TRIM16: variants seen among roughly 807,000 people sequenced by gnomAD.
The protein encoded by TRIM16 is tripartite motif-containing protein 16.
TRIM16 carries 33 observed loss-of-function variants against 50.4 expected under a neutral mutation model. The observed-to-expected ratio is 0.65, with a 90% confidence interval of 0.50 to 0.88. The LOEUF is 0.88. TRIM16 is among the 40% of genes least tolerant of loss of function. TRIM16 has a pLI of 0.00. For synonymous variants in TRIM16, 229 were observed against 270.7 expected, an observed-to-expected ratio of 0.85 and a Z score of 1.51; for missense variants, 581 against 686.8, an observed-to-expected ratio of 0.85 and a Z score of 1.72.
intron 6 of TRIM16, among the ~76,000 whole-genome samples, chr17:15,659,491 C>T (rs1988124361): frequency 1.3e-5 from 2 of 152,102 alleles, no homozygotes; most frequent in Admixed American, 1.3e-4. Flanking sequence ...GACACAAGGG[C>T]GTGACATTTT....
intron 6 of TRIM16, among the ~76,000 whole-genome samples, chr17:15,660,675 G>A (rs1988185220): frequency 6.6e-6 from 1 of 152,016 alleles, no homozygotes; most frequent in Non-Finnish European, 1.5e-5. Flanking sequence ...GAGGTGGGTG[G>A]ATCACGAGGT....
chr17:15,629,819 C>T lies in TRIM16; in HGVS notation c.1112-621G>A, dbSNP rs534732451. Among the ~76,000 whole-genome samples the T allele has an allele frequency of 4.4e-3, 665 of 152,304 alleles. 1 individual carries two copies. The highest frequency in any genetic ancestry group is 0.015 in the African/African-American group (637 of 41,566). On this transcript the variant is annotated intron_variant, in intron 11 of 11. Transcript: ENST00000649191. ...CACACACAGGAAGCAGTAACTCCTA[C>T]GGATTCTACCACTTCTCTCCAGCCC...
chr17:15,683,805 T>A (rs746256540), intron 1 of TRIM16: 1 of 152,346 alleles, frequency 6.6e-6, no homozygotes, highest in Non-Finnish European at 1.5e-5. Flanking sequence ...ATCCATCCCC[T>A]CCTACGTTCA....
At chr17:15,664,375 G>A (rs2150930505) in intron 6 of TRIM16, among the ~76,000 whole-genome samples, 1 of 152,276 alleles carries the variant, frequency 6.6e-6, no homozygotes, top group East Asian at 1.9e-4. Context: ...CAGAAGACGG[G>A]GACAGTAAAT....
At chr17:15,638,773 CAGAA>C (rs1382766075) in intron 8 of TRIM16, among the ~76,000 whole-genome samples, 1 of 147,392 alleles carries the variant, frequency 6.8e-6, no homozygotes, top group Non-Finnish European at 1.5e-5. Flanking sequence ...GGAAAGGACT[CAGAA>C]AGGATGGGAT....
chr17:15,650,263 C>T (rs986964212), intron 7 of TRIM16, among the ~76,000 whole-genome samples: 4 of 152,164 alleles, frequency 2.6e-5, no homozygotes, highest in Non-Finnish European at 5.9e-5. Flanking sequence ...GTGGGGCAAA[C>T]GTCAACTACA....
At chr17:15,632,897 T>A in intron 9 of TRIM16, 2 of 515,534 alleles carry the variant, frequency 3.9e-6, no homozygotes, top group Non-Finnish European at 6.3e-6. Context: ...AAAAAACAAG[T>A]GAGAACATGG....
At chr17:15,664,535 T>A (rs1988389690) in intron 6 of TRIM16, among the ~76,000 whole-genome samples, 1 of 151,940 alleles carries the variant, frequency 6.6e-6, no homozygotes, top group South Asian at 2.1e-4. Context: ...ACTGATGTGA[T>A]CCAGACAGAG....
chr17:15,649,575 C>T (rs181997089), intron 7 of TRIM16, among the ~76,000 whole-genome samples: 3 of 152,298 alleles, frequency 2.0e-5, no homozygotes, highest in East Asian at 1.9e-4. Flanking sequence ...TGTCAGTCAC[C>T]GTGCCCGGCT....
At chr17:15,679,096 C>G (rs2530102) in intron 4 of TRIM16, among the ~76,000 whole-genome samples, 4 of 152,104 alleles carry the variant, frequency 2.6e-5, no homozygotes, top group Non-Finnish European at 5.9e-5. Context: ...CCAGGCTGGT[C>G]ACAGACTCCT....
chr17:15,628,660 C>T lies in TRIM16; in HGVS notation c.1650G>A (p.Glu550=). Residue 550 remains glutamate, a synonymous_variant, in exon 12 of 12, where the codon GAG becomes GAA. Transcript: ENST00000649191. The stretch of plus-strand genomic sequence containing the variant: ...AGGACGGTGCTGGCTTCTCGGGTTC[C>T]TCTCCCAGATCTACAATCCGGATGG... ...ENAIRIVDLG[E]EPEKPAPSLV... is the part of the protein sequence containing the mutation. The T allele has an allele frequency of 6.2e-7, 1 of 1,613,896 alleles. No individual in the cohort carries two copies. Among genetic ancestry groups the T allele is most frequent in the South Asian group, 1.1e-5 (1 of 91,048 alleles).
intron 6 of TRIM16, among the ~76,000 whole-genome samples, chr17:15,656,567 C>T (rs980022117): frequency 6.6e-6 from 1 of 151,946 alleles, no homozygotes; most frequent in Non-Finnish European, 1.5e-5. Flanking sequence ...AAACCCTGCT[C>T]CCCTTATGTG....
At chr17:15,662,155 A>G (rs9909923) in intron 6 of TRIM16, among the ~76,000 whole-genome samples, 2,265 of 152,270 alleles carry the variant, frequency 0.015, 58 homozygotes, top group African/African-American at 0.052. Flanking sequence ...TTGCAAATTT[A>G]AGTTGATGAT....
At chr17:15,640,105 C>T (rs1180207899) in intron 8 of TRIM16, among the ~76,000 whole-genome samples, 1 of 149,372 alleles carries the variant, frequency 6.7e-6, no homozygotes, top group African/African-American at 2.5e-5. Flanking sequence ...CCCAAGATCA[C>T]ACAGCCAAGG....
At position 15,651,446 on chromosome 17, in the gene TRIM16, G is replaced by A. The variant is rs149620739; in HGVS notation, c.164C>T (p.Thr55Met). 44 of 1,612,306 alleles carry A rather than the reference G, an allele frequency of 2.7e-5. No homozygotes were observed. Among genetic ancestry groups the A allele is most frequent in the African/African-American group, 2.0e-4 (15 of 74,874 alleles). The change falls in exon 7 of 12, where the codon ACG (threonine) becomes ATG (methionine). Residue 55 changes from threonine (T) to methionine (M), a missense_variant. By Grantham distance (81) the Thr-to-Met change is moderately conservative. This residue lies in a region of TRIM16 where 450 missense variants were observed against 544.3 expected (regional missense o/e 0.83). Coordinates refer to ENST00000649191, the MANE Select transcript of TRIM16 (RefSeq NM_001348119.1). ...TGCAGAGTCGCTGTCCTGTTCCTCC[G>A]TCTCCCTGCCAAGCTTCTCCGAGGA... ...VGSSEKLGRETEEQDSDSAEQ... is the reference protein window; with the variant it reads ...VGSSEKLGREMEEQDSDSAEQ...
At chr17:15,657,021 C>T (rs1416315161) in intron 6 of TRIM16, among the ~76,000 whole-genome samples, 1 of 152,074 alleles carries the variant, frequency 6.6e-6, no homozygotes, top group Non-Finnish European at 1.5e-5. Flanking sequence ...CCTTCACAAC[C>T]TCCCAAACTG....
Position 15,632,564 on chromosome 17 carries a change from G to A in TRIM16, c.960C>T (p.His320=). ...IRKVITESTV[H]LIQLLENYKK... is the part of the protein sequence containing the mutation. ...TATAGTTCTCCAGCAACTGGATTAA[G>A]TGTACAGTGGATTCCGTGATAACTT... Residue 320 remains histidine (H), a synonymous_variant, in exon 10 of 12, where the codon CAC becomes CAT. Coordinates refer to ENST00000649191, the MANE Select transcript of TRIM16 (RefSeq NM_001348119.1). 1 of 1,613,838 alleles carries A rather than the reference G, an allele frequency of 6.2e-7. No homozygotes were observed. Among genetic ancestry groups the A allele is most frequent in the Non-Finnish European group, 8.5e-7 (1 of 1,179,832 alleles).
chr17:15,667,523 C>A (rs1477547827), intron 6 of TRIM16, among the ~76,000 whole-genome samples: 1 of 152,066 alleles, frequency 6.6e-6, no homozygotes, highest in Non-Finnish European at 1.5e-5. Context: ...AAGATGCAAG[C>A]AGAAGTAGCT....
intron 8 of TRIM16, among the ~76,000 whole-genome samples, chr17:15,637,412 C>T (rs1400391753): frequency 6.0e-5 from 7 of 117,008 alleles, no homozygotes; most frequent in South Asian, 3.1e-4. Flanking sequence ...GTCAGCCCTC[C>T]GCCCGGCCAG....
Sources: gnomAD v4.1 joint callset for allele counts (sites outside exome capture counted in the v4.1 genomes callset) on GRCh38, gnomAD v4.1.1 for gene constraint, gnomAD v4.1.1 regional missense constraint, MANE v1.5 for transcripts, NCBI Gene and HGNC (gene_info 2026-07-23, HGNC 2026-07-21) for gene names.